ANKH: variants seen among roughly 807,000 people sequenced by gnomAD.
The protein encoded by ANKH is mineralization regulator ANKH.
Under a neutral mutation model 49.0 loss-of-function variants are expected in ANKH, and 15 were observed. The observed-to-expected ratio is 0.31, with a 90% CI of 0.20 to 0.47. The LOEUF (loss-of-function observed/expected upper bound fraction) is 0.47. Among genes scored for constraint, ANKH ranks in the 20% least tolerant of loss-of-function variants. The pLI, the probability that ANKH is intolerant of heterozygous loss-of-function variation, is 1.00. For missense variants in ANKH, 429 were observed against 652.0 expected, an observed-to-expected ratio of 0.66 and a Z score of 3.72; for synonymous variants, 273 against 260.0, an observed-to-expected ratio of 1.05 and a Z score of -0.48.
rs148011888 is a variant in ANKH at position 14,782,934 on chromosome 5, G to C, written c.97-13743C>G. Among the ~76,000 whole-genome samples the C allele has an allele frequency of 2.1e-3, 315 of 152,194 alleles. 1 individual carries two copies. Among genetic ancestry groups the C allele is most frequent in the African/African-American group, 7.1e-3 (294 of 41,490 alleles). On this transcript the variant is annotated intron_variant, in intron 1 of 11. Coordinates refer to ENST00000284268, the MANE Select transcript of ANKH (RefSeq NM_054027.6). The stretch of plus-strand genomic sequence containing the variant: ...AAGATGAGGACAAGAACCTCTAGGG[G>C]CTCCTTTTGTACATGGCAGAGTGTA...
intron 1 of ANKH, among the ~76,000 whole-genome samples, chr5:14,848,687 TAATC>T (rs1319015906): frequency 6.6e-6 from 1 of 152,178 alleles, no homozygotes; most frequent in Non-Finnish European, 1.5e-5. Context: ...TGGTTCATCT[TAATC>T]AAGCTGAACA....
intron 1 of ANKH, among the ~76,000 whole-genome samples, chr5:14,842,580 T>A (rs1741843780): frequency 1.3e-5 from 2 of 152,134 alleles, no homozygotes; most frequent in Non-Finnish European, 2.9e-5. Flanking sequence ...TCAAACTGCA[T>A]AAGACCTGGG....
At chr5:14,731,087 A>C (rs900657582) in intron 8 of ANKH, among the ~76,000 whole-genome samples, 2 of 152,242 alleles carry the variant, frequency 1.3e-5, no homozygotes, top group African/African-American at 4.8e-5. Flanking sequence ...GAGGCGGCCC[A>C]ACACGGGCGT....
At chr5:14,747,921 A>G (rs1353731978) in intron 6 of ANKH, among the ~76,000 whole-genome samples, 1 of 152,204 alleles carries the variant, frequency 6.6e-6, no homozygotes, top group African/African-American at 2.4e-5. Flanking sequence ...TGGAATAGTA[A>G]GAACAATAAT....
chr5:14,804,070 A>G (rs1180520926), intron 1 of ANKH, among the ~76,000 whole-genome samples: 1 of 151,840 alleles, frequency 6.6e-6, no homozygotes, highest in Middle Eastern at 3.4e-3. Flanking sequence ...TAATTTTTGT[A>G]TTGTTAGTAG....
intron 7 of ANKH, among the ~76,000 whole-genome samples, chr5:14,744,686 C>T (rs1001706364): frequency 2.0e-5 from 3 of 152,260 alleles, no homozygotes; most frequent in Non-Finnish European, 2.9e-5. Flanking sequence ...CCACCTCACA[C>T]TTTCAGAGAT....
chr5:14,832,361 A>G (rs1561075591), intron 1 of ANKH, among the ~76,000 whole-genome samples: 1 of 152,188 alleles, frequency 6.6e-6, no homozygotes. Context: ...GCGATTTTTT[A>G]TAAGCTCCCA....
chr5:14,797,487 T>C, intron 1 of ANKH: 2 of 1,611,336 alleles, frequency 1.2e-6, no homozygotes, highest in Non-Finnish European at 1.7e-6. Flanking sequence ...AAGTTTCAGA[T>C]TTCTCAGATC....
intron 1 of ANKH, among the ~76,000 whole-genome samples, chr5:14,837,785 A>G (rs990156551): frequency 2.0e-5 from 3 of 152,232 alleles, no homozygotes; most frequent in Admixed American, 6.5e-5. Context: ...TACATACCCA[A>G]AGGATTATAA....
At position 14,751,232 on chromosome 5, in the gene ANKH, A is replaced by G; in HGVS notation, c.524T>C (p.Phe175Ser). ...GTGACTGTGAAGCAAAATGGCTACA[A>G]AAACAACCTGAGAGAAGGGAGAACG... Reference protein sequence around the residue: ...SISDVIAQVVFVAILLHSHLE... With the variant: ...SISDVIAQVVSVAILLHSHLE... Residue 175 changes from phenylalanine (F) to serine (S), a missense_variant, in exon 5 of 12, where the codon TTT becomes TCT. Phe to Ser is a radical substitution (Grantham distance 155). This residue lies in a region of ANKH where 378 missense variants were observed against 615.3 expected (regional missense o/e 0.61). Transcript: ENST00000284268. 1 of 1,614,198 alleles carries G rather than the reference A, an allele frequency of 6.2e-7. No homozygotes were observed. Among genetic ancestry groups the G allele is most frequent in the Non-Finnish European group, 8.5e-7 (1 of 1,180,022 alleles).
intron 2 of ANKH, among the ~76,000 whole-genome samples, chr5:14,762,069 T>G (rs1368754837): frequency 6.6e-6 from 1 of 152,132 alleles, no homozygotes; most frequent in Non-Finnish European, 1.5e-5. Flanking sequence ...CCAGCCCCTT[T>G]TGCCTTTAAA....
chr5:14,780,053 C>CTT (rs34249421), intron 1 of ANKH, among the ~76,000 whole-genome samples: 8 of 141,064 alleles, frequency 5.7e-5, no homozygotes, highest in Admixed American at 7.1e-5. Context: ...AGGATAACAG[C>CTT]TTTTTTTTTT....
Position 14,830,523 on chromosome 5 carries a change from G to GTGTA in ANKH, c.96+40828_96+40829insTACA. Among the ~76,000 whole-genome samples, 3 of 151,770 alleles carry GTGTA rather than the reference G, an allele frequency of 2.0e-5. No individual in the cohort carries two copies. In the Middle Eastern group the frequency reaches 0.01, roughly 516 times the overall value. On this transcript the variant is annotated intron_variant, in intron 1 of 11. Transcript: ENST00000284268. ...TGAGGTAGGGGGAGTGTGTGTGTGTGTGTGTGTGTGTGTGTCTGTGTGTGT... is the reference window on the plus strand; with the variant it reads ...TGAGGTAGGGGGAGTGTGTGTGTGTGTGTATGTGTGTGTGTGTGTCTGTGTGTGT...
intron 1 of ANKH, among the ~76,000 whole-genome samples, chr5:14,816,571 C>G (rs925937464): frequency 6.6e-6 from 1 of 152,104 alleles, no homozygotes; most frequent in Admixed American, 6.6e-5. Flanking sequence ...ACGTAAAAGC[C>G]TCGGAGATGA....
intron 1 of ANKH, among the ~76,000 whole-genome samples, chr5:14,859,055 A>C (rs1735396891): frequency 6.6e-6 from 1 of 152,148 alleles, no homozygotes; most frequent in Non-Finnish European, 1.5e-5. Flanking sequence ...TCATTTTAAT[A>C]ATTTTTAAGT....
intron 1 of ANKH, among the ~76,000 whole-genome samples, chr5:14,801,368 C>T (rs1225971930): frequency 6.6e-6 from 1 of 152,124 alleles, no homozygotes; most frequent in Non-Finnish European, 1.5e-5. Context: ...CATTCTAAAA[C>T]AGTGTAGGTT....
intron 1 of ANKH, among the ~76,000 whole-genome samples, chr5:14,823,863 G>C (rs1186976456): frequency 1.3e-5 from 2 of 152,298 alleles, no homozygotes; most frequent in Non-Finnish European, 2.9e-5. Flanking sequence ...CTAGGAGGTG[G>C]AGGTTGCAGT....
At chr5:14,870,715 G>T (rs1440493867) in intron 1 of ANKH, 2 of 154,576 alleles carry the variant, frequency 1.3e-5, no homozygotes, top group Admixed American at 1.3e-4. Flanking sequence ...GGACGAGAAG[G>T]CGACCCCAAA....
At chr5:14,855,137 G>A (rs1252455061) in intron 1 of ANKH, among the ~76,000 whole-genome samples, 3 of 152,134 alleles carry the variant, frequency 2.0e-5, no homozygotes, top group Admixed American at 6.5e-5. Context: ...GATCCGTCTT[G>A]CTTTCCAGAA....
Sources: gnomAD v4.1 joint callset for allele counts (sites outside exome capture counted in the v4.1 genomes callset) on GRCh38, gnomAD v4.1.1 for gene constraint, gnomAD v4.1.1 regional missense constraint, MANE v1.5 for transcripts, NCBI Gene and HGNC (gene_info 2026-07-23, HGNC 2026-07-21) for gene names.